ARHGEF7: variants seen among roughly 807,000 people sequenced by gnomAD.
ARHGEF7 encodes the protein PAK-interacting exchange factor beta.
In ARHGEF7, 33 loss-of-function variants were observed where a neutral mutation model predicts 109.8. That is an observed-to-expected ratio of 0.30 (90% CI 0.23 to 0.40). The LOEUF (loss-of-function observed/expected upper bound fraction) is 0.40, where lower values mean the gene tolerates loss of function less well. Among genes scored for constraint, ARHGEF7 ranks in the 10% least tolerant of loss-of-function variants. The pLI, the probability that ARHGEF7 is intolerant of heterozygous loss-of-function variation, is 1.00. For synonymous variants in ARHGEF7, 458 were observed against 424.6 expected (o/e 1.08, Z -0.97); for missense variants, 938 against 1,098.5 (o/e 0.85, Z 2.07).
intron 1 of ARHGEF7, among the ~76,000 whole-genome samples, chr13:111,127,648 G>GAAAAAA (rs71206956): frequency 7.5e-5 from 3 of 40,044 alleles, no homozygotes; most frequent in Admixed American, 2.8e-4. Context: ...CTCTGTTTCA[G>GAAAAAA]AAAAAAAAAA....
At position 111,153,774 on chromosome 13, in the gene ARHGEF7, C is replaced by G. The variant is rs2076058813; in HGVS notation, c.166-131C>G. The G allele has an allele frequency of 4.4e-6, 6 of 1,372,150 alleles. No homozygotes were observed. The South Asian group carries it at 1.0e-4, about 23-fold the overall frequency. 85.0% of individuals were successfully genotyped at this position (1,372,150 alleles called of 1,614,324 possible). ...TGGCATCTGGGGCAGCGGGCTCGCT[C>G]CAGGCCGTCGGGGGCCGCTCGCCAG... On this transcript the variant is annotated intron_variant, in intron 1 of 21. Coordinates refer to ENST00000646102, the MANE Select transcript of ARHGEF7 (RefSeq NM_001354046.2).
chr13:111,243,325 C>T (rs377535928), intron 6 of ARHGEF7, among the ~76,000 whole-genome samples: 1 of 152,132 alleles, frequency 6.6e-6, no homozygotes, highest in African/African-American at 2.4e-5. Context: ...CTGTTGTAAC[C>T]GCTACCCAAA....
intron 1 of ARHGEF7, among the ~76,000 whole-genome samples, chr13:111,130,483 A>C (rs2074685365): frequency 6.6e-6 from 1 of 152,162 alleles, no homozygotes; most frequent in Non-Finnish European, 1.5e-5. Flanking sequence ...AATGTATAGA[A>C]TTTTAATGTG....
chr13:111,231,106 C>T (rs937063152), intron 5 of ARHGEF7, among the ~76,000 whole-genome samples: 2 of 152,146 alleles, frequency 1.3e-5, no homozygotes, highest in East Asian at 1.9e-4. Flanking sequence ...TGCTGACGTG[C>T]GGCTTATGAT....
intron 2 of ARHGEF7, among the ~76,000 whole-genome samples, chr13:111,204,702 T>C (rs529696396): frequency 3.3e-5 from 5 of 152,180 alleles, no homozygotes; most frequent in Non-Finnish European, 7.3e-5. Flanking sequence ...GGTTGTGGGC[T>C]TGCCTGGTTC....
At chr13:111,189,178 A>C (rs2079575594) in intron 2 of ARHGEF7, among the ~76,000 whole-genome samples, 1 of 152,210 alleles carries the variant, frequency 6.6e-6, no homozygotes, top group South Asian at 2.1e-4. Context: ...GCTTTCTTTC[A>C]GCTTGGAGCT....
At chr13:111,133,005 C>T (rs966276319) in intron 1 of ARHGEF7, among the ~76,000 whole-genome samples, 1 of 151,998 alleles carries the variant, frequency 6.6e-6, no homozygotes, top group Non-Finnish European at 1.5e-5. Flanking sequence ...TATATGCATA[C>T]ATATTTATAT....
rs9560003 is a variant in ARHGEF7, at chr13:111,181,814, A to G, written c.253-23475A>G. Among the ~76,000 whole-genome samples, 360 of 152,328 alleles carry G rather than the reference A, an allele frequency of 2.4e-3. 18 individuals carry two copies. In the East Asian group the frequency reaches 0.062, roughly 26 times the overall value. ...GAGGGGAAGAAACATTCCAGGTGGAAACAGGAAAGAGCTTCAGGTAGGAAG... is the reference window on the plus strand; with the variant it reads ...GAGGGGAAGAAACATTCCAGGTGGAGACAGGAAAGAGCTTCAGGTAGGAAG... On this transcript the variant is annotated intron_variant, in intron 2 of 21. Coordinates refer to ENST00000646102, the MANE Select transcript of ARHGEF7 (RefSeq NM_001354046.2).
chr13:111,290,581 T>C (rs1207220636), intron 18 of ARHGEF7, among the ~76,000 whole-genome samples: 2 of 152,194 alleles, frequency 1.3e-5, no homozygotes, highest in African/African-American at 4.8e-5. Context: ...CCCACCACAT[T>C]TCTTCATGAC....
intron 1 of ARHGEF7, among the ~76,000 whole-genome samples, chr13:111,152,068 A>G (rs2075918151): frequency 6.6e-6 from 1 of 152,192 alleles, no homozygotes; most frequent in African/African-American, 2.4e-5. Flanking sequence ...TTGAATGATG[A>G]TTGACTGTAT....
chr13:111,127,110 G>A (rs2067616538), intron 1 of ARHGEF7, among the ~76,000 whole-genome samples: 1 of 152,124 alleles, frequency 6.6e-6, no homozygotes, highest in South Asian at 2.1e-4. Flanking sequence ...GATATCGAAA[G>A]ATAATAAGTG....
chr13:111,209,853 G>A lies in ARHGEF7; in HGVS notation c.338-19G>A, dbSNP rs2082288319. Reference sequence around the variant, plus strand: ...CAGGCGCTCTCAGCTCTCTTTTTCTGTGTGCATGCTCTTTGCAGACATCGG... The same window carrying A: ...CAGGCGCTCTCAGCTCTCTTTTTCTATGTGCATGCTCTTTGCAGACATCGG... On this transcript the variant is annotated intron_variant, in intron 3 of 21. Transcript: ENST00000646102. The A allele has an allele frequency of 6.2e-7, 1 of 1,610,880 alleles. No homozygotes were observed. The highest frequency in any genetic ancestry group is 8.5e-7 in the Non-Finnish European group (1 of 1,177,984).
At chr13:111,237,333 AAT>A (rs1408025798) in intron 6 of ARHGEF7, among the ~76,000 whole-genome samples, 2 of 152,254 alleles carry the variant, frequency 1.3e-5, no homozygotes, top group Non-Finnish European at 2.9e-5. Flanking sequence ...TTTGAAAAAA[AAT>A]AGTTAAACTC....
chr13:111,166,050 C>T (rs79298501), intron 2 of ARHGEF7, among the ~76,000 whole-genome samples: 41 of 152,256 alleles, frequency 2.7e-4, no homozygotes, highest in African/African-American at 9.4e-4. Context: ...GTTCATCTTC[C>T]TTTTACTAAC....
chr13:111,241,317 CGAG>C, intron 6 of ARHGEF7: 1 of 1,536,094 alleles, frequency 6.5e-7, no homozygotes, highest in Non-Finnish European at 8.7e-7. Context: ...GTGCAGAAGA[CGAG>C]GAGGGGAAGA....
At chr13:111,222,443 A>G (rs1051799641) in intron 5 of ARHGEF7, among the ~76,000 whole-genome samples, 3 of 151,992 alleles carry the variant, frequency 2.0e-5, no homozygotes, top group African/African-American at 7.2e-5. Context: ...ATTTTATTTT[A>G]CTATTTTATT....
rs201138638 is a variant in ARHGEF7, at chr13:111,163,390, T to C, written c.252+9399T>C. 3.9e-5 allele frequency among the ~76,000 whole-genome samples: 6 copies of C among 152,298 alleles called. No homozygotes were observed. The East Asian group carries it at 9.7e-4, about 25-fold the overall frequency. On this transcript the variant is annotated intron_variant, in intron 2 of 21. Coordinates refer to ENST00000646102, the MANE Select transcript of ARHGEF7 (RefSeq NM_001354046.2). Reference sequence around the variant, plus strand: ...GGTTATCCAGGCTGCTTTTCTAGTGTAGACAGCTAGACTTCCCCCTTCGTT... The same window carrying C: ...GGTTATCCAGGCTGCTTTTCTAGTGCAGACAGCTAGACTTCCCCCTTCGTT...
chr13:111,218,299 G>A (rs1266114741), intron 5 of ARHGEF7, among the ~76,000 whole-genome samples: 1 of 151,854 alleles, frequency 6.6e-6, no homozygotes, highest in Non-Finnish European at 1.5e-5. Context: ...CATTCTCTTT[G>A]TACTAGTGAT....
chr13:111,178,375 A>C (rs1004578461), intron 2 of ARHGEF7, among the ~76,000 whole-genome samples: 1 of 152,164 alleles, frequency 6.6e-6, no homozygotes, highest in African/African-American at 2.4e-5. Flanking sequence ...TCTTATCCAA[A>C]ATATGTGTTT....
Sources: gnomAD v4.1 joint callset for allele counts (sites outside exome capture counted in the v4.1 genomes callset) on GRCh38, gnomAD v4.1.1 for gene constraint, MANE v1.5 for transcripts, NCBI Gene and HGNC (gene_info 2026-07-23, HGNC 2026-07-21) for gene names.